CCDC88C: variants seen among roughly 807,000 people sequenced by gnomAD.
CCDC88C encodes protein Daple.
CCDC88C carries 131 observed loss-of-function variants against 198.8 expected under a neutral mutation model. The observed-to-expected ratio is 0.66, with a 90% CI of 0.57 to 0.76. CCDC88C has a LOEUF of 0.76. Ranked by LOEUF, CCDC88C falls within the 30% of genes least tolerant of loss-of-function variation. The probability of loss-of-function intolerance (pLI) is 0.00; values close to 1 mark genes in which losing one functional copy is unlikely to be tolerated. For missense variants in CCDC88C, 2,553 were observed against 2,631.6 expected (o/e 0.97, Z 0.65); for synonymous variants, 1,166 against 1,114.7 (o/e 1.05, Z -0.92).
intron 3 of CCDC88C, among the ~76,000 whole-genome samples, chr14:91,387,612 ACTAGACAGG>A (rs1885223464): frequency 6.6e-6 from 1 of 152,190 alleles, no homozygotes. Context: ...TAGGAGGCAG[ACTAGACAGG>A]CCTCCTCCCG....
Position 91,283,482 on chromosome 14 carries a change from G to A in CCDC88C, c.4477C>T (p.His1493Tyr), listed in dbSNP as rs369301673. ...TCTGTGCGGTCAAGGCTGCCTCTGT[G>A]TGGGGAGCCTCGCTTTGGTTTTAGA... The part of the protein sequence containing the change: ...GDLKPKRGSP[H>Y]RGSLDRTDAS... Residue 1493 changes from histidine (H) to tyrosine (Y), a missense_variant, in exon 26 of 30, where the codon CAC becomes TAC. This residue lies in a region of CCDC88C where 1,293 missense variants were observed against 1,219.6 expected (regional missense o/e 1.06). Transcript: ENST00000389857. 29 of 1,612,696 alleles carry A rather than the reference G, an allele frequency of 1.8e-5. No homozygotes were observed. Among genetic ancestry groups the A allele is most frequent in the Non-Finnish European group, 2.3e-5 (27 of 1,179,480 alleles).
chr14:91,285,334 C>T (rs1347178967), intron 25 of CCDC88C: 9 of 419,118 alleles, frequency 2.1e-5, no homozygotes, highest in Middle Eastern at 3.4e-4. Context: ...GCTTGACACA[C>T]GGGCAAAACA....
intron 5 of CCDC88C, among the ~76,000 whole-genome samples, chr14:91,342,734 A>C (rs1414159437): frequency 6.6e-6 from 1 of 152,234 alleles, no homozygotes; most frequent in Admixed American, 6.5e-5. Context: ...GGTGGAACAC[A>C]GAACGCTTCA....
At chr14:91,387,271 T>C (rs1160422627) in intron 3 of CCDC88C, among the ~76,000 whole-genome samples, 1 of 152,250 alleles carries the variant, frequency 6.6e-6, no homozygotes, top group Non-Finnish European at 1.5e-5. Flanking sequence ...GCTGTGTTAC[T>C]GAACCTCTCA....
At chr14:91,348,893 C>T (rs1450224217) in intron 4 of CCDC88C, among the ~76,000 whole-genome samples, 1 of 152,192 alleles carries the variant, frequency 6.6e-6, no homozygotes, top group Non-Finnish European at 1.5e-5. Context: ...CAAAAACATC[C>T]TGTGATCCCC....
In CCDC88C at chr14:91,297,404, C is replaced by T. The variant is rs762683779; in HGVS notation, c.3867G>A (p.Ala1289=). Residue 1289 remains alanine, a synonymous_variant, in exon 22 of 30, where the codon GCG becomes GCA. Transcript: ENST00000389857. ...TKELKTSLNN[A]QLELNRWQAR... ...CCTGCCAGCGGTTGAGCTCCAGCTG[C>T]GCGTTGTTCAGTGAGGTTTTCAGCT... The T allele has an allele frequency of 1.1e-5, 17 of 1,611,626 alleles. No homozygotes were observed. Among genetic ancestry groups the T allele is most frequent in the Admixed American group, 1.0e-4 (6 of 59,710 alleles).
At chr14:91,402,544 A>G (rs1886265385) in intron 3 of CCDC88C, among the ~76,000 whole-genome samples, 1 of 152,178 alleles carries the variant, frequency 6.6e-6, no homozygotes, top group Non-Finnish European at 1.5e-5. Context: ...GCACACACGC[A>G]TATATATACA....
chr14:91,283,719 A>G, intron 25 of CCDC88C: 1 of 594,742 alleles, frequency 1.7e-6, no homozygotes, highest in Non-Finnish European at 3.0e-6. Flanking sequence ...AGGTGGTGTC[A>G]GAGGCCCCAT....
At chr14:91,300,996 G>C (rs35365725) in intron 20 of CCDC88C, among the ~76,000 whole-genome samples, 30,649 of 152,128 alleles carry the variant, frequency 0.2, 3,412 homozygotes, top group African/African-American at 0.3. Flanking sequence ...CAGTGTCCCT[G>C]GGGTTTCTGG....
intron 10 of CCDC88C, among the ~76,000 whole-genome samples, chr14:91,332,558 C>G (rs1205636032): frequency 6.6e-6 from 1 of 152,210 alleles, no homozygotes; most frequent in Non-Finnish European, 1.5e-5. Context: ...GATGCGCTCT[C>G]CCTTCGGTGA....
intron 21 of CCDC88C, among the ~76,000 whole-genome samples, chr14:91,298,322 C>G (rs532444191): frequency 1.3e-5 from 2 of 151,718 alleles, no homozygotes; most frequent in Non-Finnish European, 2.9e-5. Context: ...TGCAGTGAGC[C>G]GAGATCGCGC....
chr14:91,273,266 T>C lies in CCDC88C; in HGVS notation c.5446A>G (p.Ser1816Gly), dbSNP rs571951950. ...SLASADLLRASGPEACKQESP... is the reference protein window; with the variant it reads ...SLASADLLRAGGPEACKQESP... ...TCCTGTTTGCAGGCCTCTGGCCCGC[T>C]GGCCCGGAGAAGGTCAGCTGAGGCC... is the stretch of plus-strand genomic sequence containing the variant. Residue 1816 changes from serine (S) to glycine (G), a missense_variant, in exon 30 of 30, where the codon AGC becomes GGC. By Grantham distance (56) the Ser-to-Gly change is moderately conservative. Transcript: ENST00000389857. The surrounding 1 kb of genome is among the most constrained non-coding windows in gnomAD (Gnocchi z 5.6). The C allele has an allele frequency of 6.4e-6, 10 of 1,559,324 alleles. No homozygotes were observed. In the African/African-American group the frequency reaches 1.2e-4, roughly 19 times the overall value.
rs780494605 is a variant in CCDC88C, at chr14:91,408,668, G to A, written c.261C>T (p.Thr87=). 3.1e-6 allele frequency: 5 copies of A among 1,599,340 alleles called. No homozygotes were observed. Among genetic ancestry groups the A allele is most frequent in the Non-Finnish European group, 4.3e-6 (5 of 1,166,622 alleles). ...GCAGAACTGCCCTTACCTGGTAGTA[G>A]GTCTTAATGTTTCTCACCAAGATGG... ...NLTILVRNIK[T]YYQEVLQQLI... is the part of the protein sequence containing the mutation. Residue 87 remains threonine, a synonymous_variant, in exon 3 of 30, where the codon ACC becomes ACT. Transcript: ENST00000389857.
At chr14:91,382,043 G>C (rs1427335256) in intron 3 of CCDC88C, among the ~76,000 whole-genome samples, 1 of 152,032 alleles carries the variant, frequency 6.6e-6, no homozygotes, top group Non-Finnish European at 1.5e-5. Context: ...AAGAGCACTG[G>C]GTTGGATCTC....
chr14:91,330,237 T>C (rs930609423), intron 10 of CCDC88C, among the ~76,000 whole-genome samples: 1 of 152,168 alleles, frequency 6.6e-6, no homozygotes, highest in African/African-American at 2.4e-5. Flanking sequence ...AGCAGGAGGC[T>C]GGGAGACGCA....
intron 4 of CCDC88C, among the ~76,000 whole-genome samples, chr14:91,355,838 T>G (rs566500695): frequency 6.6e-6 from 1 of 152,252 alleles, no homozygotes; most frequent in Non-Finnish European, 1.5e-5. Context: ...TCTCAGGGTC[T>G]TTTAGTATCA....
At chr14:91,308,100 CT>C (rs1178039754) in intron 17 of CCDC88C, among the ~76,000 whole-genome samples, 1 of 152,246 alleles carries the variant, frequency 6.6e-6, no homozygotes, top group Non-Finnish European at 1.5e-5. Flanking sequence ...GTTCCCGTAT[CT>C]TGCCTGGTGG....
At position 91,321,241 on chromosome 14, in the gene CCDC88C, T is replaced by C. The variant is rs760641941; in HGVS notation, c.1406A>G (p.Glu469Gly). The C allele has an allele frequency of 1.3e-6, 2 of 1,598,920 alleles. No individual in the cohort carries two copies. Among genetic ancestry groups the C allele is most frequent in the South Asian group, 1.1e-5 (1 of 88,510 alleles). The change falls in exon 13 of 30, where the codon GAG becomes GGG. Residue 469 changes from glutamate to glycine, a missense_variant. Physicochemically the swap from Glu to Gly is moderately conservative, Grantham distance 98. Coordinates refer to ENST00000389857, the MANE Select transcript of CCDC88C (RefSeq NM_001080414.4). ...GCTCTGGAGGCTCTGATTCTCCTTC[T>C]CCAGCTTCAGGATGCGGCTGGACGC... is the stretch of plus-strand genomic sequence containing the variant. The part of the protein sequence containing the change: ...ECASSRILKL[E>G]KENQSLQSTI...
intron 10 of CCDC88C, among the ~76,000 whole-genome samples, chr14:91,333,194 C>T (rs1312246681): frequency 6.6e-6 from 1 of 152,226 alleles, no homozygotes; most frequent in Non-Finnish European, 1.5e-5. Context: ...ATGGAACCTT[C>T]TTGCTAATAT....
Sources: gnomAD v4.1 joint callset for allele counts (sites outside exome capture counted in the v4.1 genomes callset) on GRCh38, gnomAD v4.1.1 for gene constraint, gnomAD v4.1.1 regional missense constraint, Gnocchi (gnomAD v3.1) non-coding constraint, MANE v1.5 for transcripts, NCBI Gene and HGNC (gene_info 2026-07-23, HGNC 2026-07-21) for gene names.